The following LGALS3 variants were observed in gnomAD, a reference collection of about 807,000 sequenced individuals.
LGALS3 encodes the protein galectin 3.
Under a neutral mutation model 20.7 loss-of-function variants are expected in LGALS3, and 18 were observed. That is an observed-to-expected ratio of 0.87 (90% confidence interval 0.60 to 1.29). The LOEUF is 1.29. Among genes scored for constraint, LGALS3 ranks in the 50% most tolerant of loss-of-function variants. The probability of loss-of-function intolerance (pLI) is 0.00; values close to 1 mark genes in which losing one functional copy is unlikely to be tolerated. For missense variants in LGALS3, 315 were observed against 314.7 expected, an observed-to-expected ratio of 1.00 and a Z score of -0.01; for synonymous variants, 112 against 119.6, an observed-to-expected ratio of 0.94 and a Z score of 0.42.
At chr14:55,144,423 C>T (rs1349876589) in intron 5 of LGALS3, among the ~76,000 whole-genome samples, 1 of 152,152 alleles carries the variant, frequency 6.6e-6, no homozygotes, top group Non-Finnish European at 1.5e-5. Context: ...GGATTACAGG[C>T]GTGAGCCACC....
Position 55,140,286 on chromosome 14 carries a change from TAACCTGC to T in LGALS3, c.355_361del (p.Asn119LeufsTer11), listed in dbSNP as rs778935134. Reference sequence around the variant, plus strand: ...TTGTTAATTCCCAGATTGTGCCTTATAACCTGCCTTTGCCTGGGGGAGTGGTGCCTCG... The same window carrying T: ...TTGTTAATTCCCAGATTGTGCCTTATCTTTGCCTGGGGGAGTGGTGCCTCG... On this transcript the variant is annotated frameshift_variant, in exon 4 of 6. Transcript: ENST00000254301. LOFTEE classifies it high-confidence loss of function. The T allele has an allele frequency of 1.2e-6, 2 of 1,612,860 alleles. No individual in the cohort carries two copies. Among genetic ancestry groups the T allele is most frequent in the Non-Finnish European group, 1.7e-6 (2 of 1,178,962 alleles).
intron 3 of LGALS3, 55 bp downstream of exon 3, chr14:55,138,423 C>A: frequency 4.4e-6 from 7 of 1,585,264 alleles, no homozygotes; most frequent in Non-Finnish European, 6.0e-6. Context: ...TTCAGGGAGA[C>A]CCTGAGCTTT....
intron 1 of LGALS3, among the ~76,000 whole-genome samples, chr14:55,135,930 A>G (rs978160535): frequency 2.6e-5 from 4 of 152,202 alleles, no homozygotes; most frequent in Non-Finnish European, 4.4e-5. Flanking sequence ...GCCATTTCTA[A>G]AAGTGATTGA....
At chr14:55,138,427 G>A in intron 3 of LGALS3, 59 bp downstream of exon 3, 1 of 1,573,114 alleles carries the variant, frequency 6.4e-7, no homozygotes, top group Non-Finnish European at 8.7e-7. Context: ...GGGAGACCCT[G>A]AGCTTTAAAG....
chr14:55,142,712 A>G lies in LGALS3; in HGVS notation c.560A>G (p.Gln187Arg), dbSNP rs1232317777. 3.1e-6 allele frequency: 5 copies of G among 1,613,878 alleles called. No homozygotes were observed. Among genetic ancestry groups the G allele is most frequent in the African/African-American group, 2.7e-5 (2 of 75,062 alleles). Residue 187 changes from glutamine (Q) to arginine (R), a missense_variant, in exon 5 of 6, where the codon CAG becomes CGG. Transcript: ENST00000254301. ...LDNNWGREERQSVFPFESGKP... is the reference protein window; with the variant it reads ...LDNNWGREERRSVFPFESGKP... The stretch of plus-strand genomic sequence containing the variant: ...AATAACTGGGGAAGGGAAGAAAGAC[A>G]GTCGGTTTTCCCATTTGAAAGTGGG...
In LGALS3 at chr14:55,129,334, G is replaced by C. The variant is rs1881156704; in HGVS notation, c.-5+34G>C. Reference sequence around the variant, plus strand: ...CGCGGGGCGCGGGGGACGCGGCTCCGGCCGGGCAGGGGAGAGGGCGCCCGG... The same window carrying C: ...CGCGGGGCGCGGGGGACGCGGCTCCCGCCGGGCAGGGGAGAGGGCGCCCGG... On this transcript the variant is annotated intron_variant, in intron 1 of 5. Transcript: ENST00000254301. This position sits in a 1 kb window ranked among gnomAD's most constrained non-coding sequence, Gnocchi z 5.3. 1.3e-5 allele frequency: 2 copies of C among 151,670 alleles called. No homozygotes were observed. Among genetic ancestry groups the C allele is most frequent in the Non-Finnish European group, 2.9e-5 (2 of 67,932 alleles). 9.4% of individuals were successfully genotyped at this position (151,670 alleles called of 1,614,324 possible). A position where few individuals can be genotyped will look rare whatever the true frequency, so the allele number is the denominator to read the frequency against.
chr14:55,138,375 T>C lies in LGALS3; in HGVS notation c.342+7T>C, dbSNP rs1881499881. The C allele has an allele frequency of 1.2e-6, 2 of 1,612,588 alleles. No individual in the cohort carries two copies. The highest frequency in any genetic ancestry group is 2.2e-5 in the East Asian group (1 of 44,896). On this transcript the variant is annotated splice_region_variant and intron_variant, in intron 3 of 5. Transcript: ENST00000254301. ...CGCCCCTGCTGGGCCACTGGTGAGA[T>C]GGCATTCCTTCTTTCATGTACTTGA...
rs1451134923 is a variant in LGALS3, at chr14:55,138,249, G to A, written c.223G>A (p.Ala75Thr). 1 of 1,612,592 alleles carries A rather than the reference G, an allele frequency of 6.2e-7. No individual in the cohort carries two copies. Among genetic ancestry groups the A allele is most frequent in the Non-Finnish European group, 8.5e-7 (1 of 1,179,544 alleles). The change falls in exon 3 of 6, where the codon GCA (alanine) becomes ACA (threonine). Residue 75 changes from alanine (A) to threonine (T), a missense_variant. By Grantham distance (58) the Ala-to-Thr change is moderately conservative. Transcript: ENST00000254301. Reference protein sequence around the residue: ...GAPGAYPGAPAPGVYPGPPSG... With the variant: ...GAPGAYPGAPTPGVYPGPPSG... ...ACCTGGAGCTTATCCCGGAGCACCT[G>A]CACCTGGAGTCTACCCAGGGCCACC...
At chr14:55,130,562 G>GTT (rs60310677) in intron 1 of LGALS3, among the ~76,000 whole-genome samples, 47,831 of 144,722 alleles carry the variant, frequency 0.33, 8,579 homozygotes, top group Non-Finnish European at 0.41. Flanking sequence ...TTTACCTAAG[G>GTT]TTTTTTTTTT....
chr14:55,131,757 AG>A lies in LGALS3; in HGVS notation c.-5+2463del, dbSNP rs562555373. ...CTTTTGAACTGTTCAGCTTTTCCGT[AG>A]GGGGGAAGATCAGTCATGAGAAGCA... is the stretch of plus-strand genomic sequence containing the variant. On this transcript the variant is annotated intron_variant, in intron 1 of 5. Coordinates refer to ENST00000254301, the MANE Select transcript of LGALS3 (RefSeq NM_002306.4). 3.5e-3 allele frequency among the ~76,000 whole-genome samples: 526 copies of A among 152,298 alleles called. 3 individuals are homozygous for A. Among genetic ancestry groups the A allele is most frequent in the African/African-American group, 0.012 (483 of 41,558 alleles).
intron 3 of LGALS3, 113 bp downstream of exon 3, chr14:55,138,481 G>A: frequency 9.1e-7 from 1 of 1,104,746 alleles, no homozygotes. Context: ...ATGGGTGTAT[G>A]TTGGTAGAGT....
chr14:55,145,338 A>C lies in LGALS3; in HGVS notation c.*67A>C, dbSNP rs1042918. The C allele has an allele frequency of 2.5e-6, 4 of 1,602,402 alleles. No homozygotes were observed. In the South Asian group the frequency reaches 3.3e-5, roughly 13 times the overall value. On this transcript the variant is annotated 3_prime_UTR_variant, in exon 6 of 6. Coordinates refer to ENST00000254301, the MANE Select transcript of LGALS3 (RefSeq NM_002306.4). The stretch of plus-strand genomic sequence containing the variant: ...TTACATGTGTAAAGGTTTCATGTTC[A>C]CTGTGAGTGAAAATTTTTACATTCA...
Position 55,137,118 on chromosome 14 carries a change from G to A in LGALS3, c.-4-252G>A, listed in dbSNP as rs1310291864. The A allele has an allele frequency of 1.0e-5, 6 of 579,258 alleles. No individual in the cohort carries two copies. In the Admixed American group the frequency reaches 1.8e-4, roughly 17 times the overall value. The allele number at this position is 579,258 out of a possible 1,614,324, so 35.9% of individuals were successfully genotyped here. Reference sequence around the variant, plus strand: ...GGATGGGGCAGTTAGTGGGGACAGAGGGCAGATGGGTAAGATTCAGAGCAC... The same window carrying A: ...GGATGGGGCAGTTAGTGGGGACAGAAGGCAGATGGGTAAGATTCAGAGCAC... On this transcript the variant is annotated intron_variant, in intron 1 of 5. Transcript: ENST00000254301.
chr14:55,139,393 T>C (rs1881538414), intron 3 of LGALS3, among the ~76,000 whole-genome samples: 1 of 152,186 alleles, frequency 6.6e-6, no homozygotes, highest in Non-Finnish European at 1.5e-5. Context: ...TTCACACTTG[T>C]TGAATTTGAG....
At chr14:55,136,969 G>A (rs543687734) in intron 1 of LGALS3, among the ~76,000 whole-genome samples, 1 of 152,246 alleles carries the variant, frequency 6.6e-6, no homozygotes, top group South Asian at 2.1e-4. Context: ...GCCTGGCCAG[G>A]AGCAGGCATA....
intron 5 of LGALS3, among the ~76,000 whole-genome samples, chr14:55,144,615 G>A (rs1488261733): frequency 7.2e-5 from 11 of 152,160 alleles, no homozygotes; most frequent in Non-Finnish European, 1.3e-4. Flanking sequence ...CCAGGCTGGA[G>A]TGCAGTGGCA....
chr14:55,130,120 G>C (rs1025391439), intron 1 of LGALS3, among the ~76,000 whole-genome samples: 1 of 152,248 alleles, frequency 6.6e-6, no homozygotes, highest in Non-Finnish European at 1.5e-5. Context: ...GGAAATGGTG[G>C]GTGTGGCAAA....
rs866206090 is a variant in LGALS3, at chr14:55,129,519, G to A, written c.-5+219G>A. 2.0e-5 allele frequency among the ~76,000 whole-genome samples: 3 copies of A among 152,148 alleles called. No homozygotes were observed. In the East Asian group the frequency reaches 5.8e-4, roughly 29 times the overall value. ...GCCTTTGATTATCGAGGGCGCTGGC[G>A]TTCGGGGAAGGTTGGCAGCACCTTA... is the stretch of plus-strand genomic sequence containing the variant. On this transcript the variant is annotated intron_variant, in intron 1 of 5. Transcript: ENST00000254301. The surrounding 1 kb of genome is among the most constrained non-coding windows in gnomAD (Gnocchi z 5.3).
chr14:55,135,703 C>T lies in LGALS3; in HGVS notation c.-4-1667C>T, dbSNP rs117744883. Among the ~76,000 whole-genome samples, 1,145 of 151,466 alleles carry T rather than the reference C, an allele frequency of 7.6e-3. 5 individuals carry two copies. Among genetic ancestry groups the T allele is most frequent in the Non-Finnish European group, 0.013 (860 of 67,914 alleles). ...CCTCAGCCCCTCGAGTAGCTGGGAACACAGGCATGCGCCACCACACCCGGC... is the reference window on the plus strand; with the variant it reads ...CCTCAGCCCCTCGAGTAGCTGGGAATACAGGCATGCGCCACCACACCCGGC... On this transcript the variant is annotated intron_variant, in intron 1 of 5. Coordinates refer to ENST00000254301, the MANE Select transcript of LGALS3 (RefSeq NM_002306.4).
Sources: gnomAD v4.1 joint callset for allele counts (sites outside exome capture counted in the v4.1 genomes callset) on GRCh38, gnomAD v4.1.1 for gene constraint, Gnocchi (gnomAD v3.1) non-coding constraint, MANE v1.5 for transcripts, NCBI Gene and HGNC (gene_info 2026-07-23, HGNC 2026-07-21) for gene names.